The following CNTNAP5 variants were observed in gnomAD, a reference collection of about 807,000 sequenced individuals.
CNTNAP5 encodes the protein contactin-associated protein-like 5.
Under a neutral mutation model 150.2 loss-of-function variants are expected in CNTNAP5, and 72 were observed. That is an observed-to-expected ratio of 0.48 (90% confidence interval 0.40 to 0.58). CNTNAP5 has a LOEUF of 0.58. CNTNAP5 is among the 20% of genes least tolerant of loss of function. The probability of loss-of-function intolerance (pLI) is 0.00; values close to 1 mark genes in which losing one functional copy is unlikely to be tolerated. For missense variants in CNTNAP5, 1,636 were observed against 1,626.2 expected, an observed-to-expected ratio of 1.01 and a Z score of -0.10; for synonymous variants, 672 against 619.8, an observed-to-expected ratio of 1.08 and a Z score of -1.25.
intron 19 of CNTNAP5, among the ~76,000 whole-genome samples, chr2:124,842,481 G>A (rs969292051): frequency 6.6e-6 from 1 of 152,160 alleles, no homozygotes; most frequent in Admixed American, 6.5e-5. Flanking sequence ...ATTCAGTGAA[G>A]CATACAGTAA....
intron 12 of CNTNAP5, among the ~76,000 whole-genome samples, chr2:124,627,441 A>T (rs993560557): frequency 5.3e-5 from 8 of 151,168 alleles, no homozygotes; most frequent in Non-Finnish European, 1.2e-4. Flanking sequence ...AAGGGTCTGG[A>T]GTGGACCCCC....
chr2:124,520,966 A>C (rs1694835521), intron 8 of CNTNAP5, among the ~76,000 whole-genome samples: 1 of 152,254 alleles, frequency 6.6e-6, no homozygotes, highest in Admixed American at 6.5e-5. Context: ...ATCTGTTAAC[A>C]GAATGAAGTG....
intron 9 of CNTNAP5, among the ~76,000 whole-genome samples, chr2:124,526,616 T>C (rs1314102588): frequency 6.6e-6 from 1 of 152,312 alleles, no homozygotes; most frequent in Non-Finnish European, 1.5e-5. Context: ...ACTAAATCAG[T>C]GTAATTTTTT....
intron 13 of CNTNAP5, among the ~76,000 whole-genome samples, chr2:124,693,346 C>T (rs1255305075): frequency 1.3e-5 from 2 of 151,980 alleles, no homozygotes; most frequent in African/African-American, 4.8e-5. Flanking sequence ...CACTGCTTAC[C>T]CAGAAGAGTT....
At chr2:124,599,444 C>T (rs949712715) in intron 11 of CNTNAP5, among the ~76,000 whole-genome samples, 13 of 151,886 alleles carry the variant, frequency 8.6e-5, no homozygotes, top group African/African-American at 1.5e-4. Context: ...TTTTAAAATA[C>T]GTTATTTAGT....
chr2:124,744,881 G>A (rs1680572592), intron 13 of CNTNAP5, among the ~76,000 whole-genome samples: 1 of 152,032 alleles, frequency 6.6e-6, no homozygotes, highest in African/African-American at 2.4e-5. Context: ...ACACAAAGAT[G>A]GGACATCTAA....
chr2:124,813,270 G>C (rs1296097824), intron 19 of CNTNAP5, among the ~76,000 whole-genome samples: 5 of 151,794 alleles, frequency 3.3e-5, no homozygotes, highest in Middle Eastern at 3.4e-3. Flanking sequence ...GTAGAGACAG[G>C]GTTTCACCAT....
chr2:124,773,478 C>T (rs567226010), intron 17 of CNTNAP5, among the ~76,000 whole-genome samples: 18 of 152,214 alleles, frequency 1.2e-4, no homozygotes, highest in African/African-American at 4.3e-4. Context: ...TCAACAGTAA[C>T]ATGGTTGAGA....
At chr2:124,289,215 T>C (rs1227761232) in intron 3 of CNTNAP5, among the ~76,000 whole-genome samples, 1 of 152,194 alleles carries the variant, frequency 6.6e-6, no homozygotes, top group Non-Finnish European at 1.5e-5. Context: ...CTAAAGACCG[T>C]TTCACTAATT....
At chr2:124,132,870 T>G (rs1223556654) in intron 1 of CNTNAP5, among the ~76,000 whole-genome samples, 1 of 152,154 alleles carries the variant, frequency 6.6e-6, no homozygotes, top group Non-Finnish European at 1.5e-5. Flanking sequence ...GCTTACCAAC[T>G]GTACTAATGA....
intron 13 of CNTNAP5, among the ~76,000 whole-genome samples, chr2:124,679,387 C>T (rs998220958): frequency 2.0e-5 from 3 of 151,858 alleles, no homozygotes; most frequent in African/African-American, 7.2e-5. Context: ...CATCTCATCC[C>T]TTCTGATTCT....
chr2:124,257,907 G>A (rs988586569), intron 3 of CNTNAP5, among the ~76,000 whole-genome samples: 1 of 152,096 alleles, frequency 6.6e-6, no homozygotes, highest in Non-Finnish European at 1.5e-5. Context: ...ATTCCACAGT[G>A]ATAAAACCGA....
At chr2:124,174,348 G>T (rs577316928) in intron 1 of CNTNAP5, among the ~76,000 whole-genome samples, 4 of 152,262 alleles carry the variant, frequency 2.6e-5, no homozygotes, top group African/African-American at 7.2e-5. Context: ...ATGGATCTGG[G>T]TAGAGTAAAT....
At position 124,446,750 on chromosome 2, in the gene CNTNAP5, C is replaced by T. The variant is rs374660030; in HGVS notation, c.734-3C>T. On this transcript the variant is annotated splice_region_variant and splice_polypyrimidine_tract_variant and intron_variant, in intron 5 of 23. Coordinates refer to ENST00000682447, the MANE Select transcript of CNTNAP5 (RefSeq NM_001367498.1). ...TCATCTTGCCTCTCTCCCCTCTTCA[C>T]AGGTGACAGCAAAGCGCGGCTCAGC... The T allele has an allele frequency of 9.9e-6, 16 of 1,612,288 alleles. No homozygotes were observed. The highest frequency in any genetic ancestry group is 1.4e-5 in the Non-Finnish European group (16 of 1,179,076).
chr2:124,380,810 C>T (rs1159988205), intron 3 of CNTNAP5, among the ~76,000 whole-genome samples: 1 of 152,112 alleles, frequency 6.6e-6, no homozygotes, highest in Admixed American at 6.6e-5. Context: ...ATCAAAACAG[C>T]CTGTGCCTTC....
chr2:124,875,561 T>C (rs1373985947), intron 21 of CNTNAP5, among the ~76,000 whole-genome samples: 2 of 152,108 alleles, frequency 1.3e-5, no homozygotes, highest in Non-Finnish European at 2.9e-5. Flanking sequence ...ATTCATTTAA[T>C]TAATTCACAG....
At chr2:124,621,777 C>G (rs774498458) in intron 12 of CNTNAP5, among the ~76,000 whole-genome samples, 4 of 152,048 alleles carry the variant, frequency 2.6e-5, no homozygotes, top group Admixed American at 6.6e-5. Context: ...AAAATGGGAC[C>G]ACTGGTTATG....
chr2:124,456,388 A>G (rs1693120245), intron 6 of CNTNAP5, among the ~76,000 whole-genome samples: 1 of 152,172 alleles, frequency 6.6e-6, no homozygotes, highest in African/African-American at 2.4e-5. Flanking sequence ...TACAAGAAAA[A>G]CTACAAAACA....
chr2:124,721,475 C>A (rs899151363), intron 13 of CNTNAP5, among the ~76,000 whole-genome samples: 9 of 123,936 alleles, frequency 7.3e-5, no homozygotes, highest in African/African-American at 2.7e-4. Context: ...GAGTGAGACT[C>A]CATCTCAAAA....
Sources: allele counts gnomAD v4.1 joint callset (sites outside exome capture counted in the v4.1 genomes callset), GRCh38; gene constraint gnomAD v4.1.1; transcripts MANE v1.5; gene names NCBI Gene and HGNC (gene_info 2026-07-23, HGNC 2026-07-21).